MPDZ: variants seen among roughly 807,000 people sequenced by gnomAD.
MPDZ encodes the protein multiple PDZ domain protein.
MPDZ carries 234 observed loss-of-function variants against 239.1 expected under a neutral mutation model. The ratio of observed to expected loss-of-function variants is 0.98; its 90% CI spans 0.88 to 1.09. The LOEUF is 1.09. Ranked by LOEUF, MPDZ falls within the 50% of genes least tolerant of loss-of-function variation. The pLI is 0.00. For missense variants in MPDZ, 3,175 were observed against 2,510.0 expected (o/e 1.26, Z -5.66); for synonymous variants, 1,048 against 881.3 (o/e 1.19, Z -3.35).
At chr9:13,216,037 T>A (rs1958295873) in intron 10 of MPDZ, among the ~76,000 whole-genome samples, 1 of 149,770 alleles carries the variant, frequency 6.7e-6, no homozygotes. Flanking sequence ...CACCCAGCTG[T>A]CTTCAATTTT....
intron 1 of MPDZ, among the ~76,000 whole-genome samples, chr9:13,276,282 G>A (rs1240235223): frequency 6.6e-6 from 1 of 152,070 alleles, no homozygotes; most frequent in Non-Finnish European, 1.5e-5. Flanking sequence ...TTCCTTTATC[G>A]AGAAGTAGTT....
intron 12 of MPDZ, among the ~76,000 whole-genome samples, chr9:13,200,468 G>A (rs1000489060): frequency 6.6e-6 from 1 of 151,510 alleles, no homozygotes; most frequent in African/African-American, 2.4e-5. Context: ...CTGCTCCTTC[G>A]GGTTTGGTTT....
intron 22 of MPDZ, among the ~76,000 whole-genome samples, chr9:13,165,095 G>A (rs1190330871): frequency 6.6e-6 from 1 of 152,098 alleles, no homozygotes; most frequent in Non-Finnish European, 1.5e-5. Context: ...AGACAGGATC[G>A]TTCCCTTACA....
At chr9:13,225,792 G>T (rs1211390381) in intron 3 of MPDZ, among the ~76,000 whole-genome samples, 1 of 151,984 alleles carries the variant, frequency 6.6e-6, no homozygotes, top group African/African-American at 2.4e-5. Context: ...ATCACCTAAT[G>T]ACACATGGCT....
At chr9:13,129,649 G>T (rs939498651) in intron 32 of MPDZ, among the ~76,000 whole-genome samples, 1 of 151,984 alleles carries the variant, frequency 6.6e-6, no homozygotes, top group African/African-American at 2.4e-5. Context: ...ATTTTGTTTG[G>T]GGCTAGTTAT....
At chr9:13,259,756 C>T (rs903853268) in intron 1 of MPDZ, among the ~76,000 whole-genome samples, 38 of 152,176 alleles carry the variant, frequency 2.5e-4, no homozygotes, top group African/African-American at 7.5e-4. Flanking sequence ...AAAGGAGAGA[C>T]GGAGAAGATG....
At chr9:13,224,146 T>C (rs1959758551) in intron 4 of MPDZ, among the ~76,000 whole-genome samples, 1 of 152,118 alleles carries the variant, frequency 6.6e-6, no homozygotes, top group Admixed American at 6.6e-5. Flanking sequence ...GTTAGCACTT[T>C]ATCCTGAAGA....
chr9:13,240,702 A>G (rs549588472), intron 3 of MPDZ, among the ~76,000 whole-genome samples: 1 of 151,860 alleles, frequency 6.6e-6, no homozygotes, highest in Non-Finnish European at 1.5e-5. Context: ...CTAACCCCCA[A>G]TTTCCTCACT....
At chr9:13,221,319 T>C (rs1443948789) in intron 7 of MPDZ, 53 bp downstream of exon 7, 1 of 1,500,558 alleles carries the variant, frequency 6.7e-7, no homozygotes, top group Non-Finnish European at 8.9e-7. Context: ...ATGTAAAAGA[T>C]GTACCCATAT....
chr9:13,251,995 T>C (rs1013061600), intron 1 of MPDZ, among the ~76,000 whole-genome samples: 2 of 152,150 alleles, frequency 1.3e-5, no homozygotes, highest in African/African-American at 2.4e-5. Context: ...ATTGGGTATA[T>C]TTTGAAAAAT....
intron 40 of MPDZ, 137 bp downstream of exon 40, chr9:13,115,111 T>C: frequency 1.5e-6 from 1 of 660,988 alleles, no homozygotes; most frequent in Non-Finnish European, 2.7e-6. Context: ...TTCTTCTCTG[T>C]CTCAAACTCT....
At chr9:13,140,440 G>C (rs973729565) in intron 27 of MPDZ, among the ~76,000 whole-genome samples, 2 of 143,270 alleles carry the variant, frequency 1.4e-5, no homozygotes, top group East Asian at 4.2e-4. Context: ...TTATTTGTTT[G>C]ATATTTTAAA....
chr9:13,145,935 G>C (rs765174106), intron 26 of MPDZ, among the ~76,000 whole-genome samples: 246 of 151,564 alleles, frequency 1.6e-3, no homozygotes, highest in Non-Finnish European at 3.1e-3. Flanking sequence ...AACAAAAAAA[G>C]GACTAAAATC....
At chr9:13,259,818 C>T (rs866012982) in intron 1 of MPDZ, among the ~76,000 whole-genome samples, 15 of 152,168 alleles carry the variant, frequency 9.9e-5, no homozygotes, top group South Asian at 4.2e-4. Context: ...CCATACTACT[C>T]TTAAAAAGTT....
intron 15 of MPDZ, among the ~76,000 whole-genome samples, chr9:13,191,570 T>C (rs1047554932): frequency 1.3e-5 from 2 of 152,182 alleles, no homozygotes; most frequent in Non-Finnish European, 1.5e-5. Context: ...AAATTTATTG[T>C]ATTTTAAAAG....
intron 3 of MPDZ, among the ~76,000 whole-genome samples, chr9:13,244,529 C>T (rs1056051256): frequency 1.8e-4 from 28 of 152,046 alleles, no homozygotes; most frequent in Non-Finnish European, 3.1e-4. Flanking sequence ...TTTTAGCTGG[C>T]GTTAGAACAA....
intron 45 of MPDZ, among the ~76,000 whole-genome samples, 175 bp downstream of exon 45, chr9:13,109,777 T>A (rs1370935376): frequency 6.6e-6 from 1 of 152,202 alleles, no homozygotes; most frequent in Admixed American, 6.5e-5. Context: ...ATCAGCTAAA[T>A]CCATGCCACA....
intron 13 of MPDZ, among the ~76,000 whole-genome samples, chr9:13,194,956 T>C (rs1001420787): frequency 1.3e-5 from 2 of 152,052 alleles, no homozygotes; most frequent in African/African-American, 2.4e-5. Flanking sequence ...ACTTACTCAA[T>C]TCATATTTGA....
chr9:13,119,717 A>G (rs1385357664), intron 38 of MPDZ, 68 bp from the exon 39 acceptor site: 2 of 1,597,036 alleles, frequency 1.3e-6, no homozygotes, highest in African/African-American at 2.7e-5. Context: ...TTTAATAAAA[A>G]GTTACGTTTT....
Sources: gnomAD v4.1 joint callset for allele counts (sites outside exome capture counted in the v4.1 genomes callset) on GRCh38, gnomAD v4.1.1 for gene constraint, MANE v1.5 for transcripts, NCBI Gene and HGNC (gene_info 2026-07-23, HGNC 2026-07-21) for gene names.